APEX1: variants seen among roughly 807,000 people sequenced by gnomAD.
APEX1 encodes DNA repair nuclease/redox regulator APEX1.
APEX1 carries 32 observed loss-of-function variants against 33.2 expected under a neutral mutation model. That is an observed-to-expected ratio of 0.96 (90% confidence interval 0.73 to 1.29). APEX1 has a LOEUF of 1.29. APEX1 is among the 50% of genes most tolerant of loss of function. APEX1 has a pLI of 0.00. For missense variants in APEX1, 442 were observed against 395.6 expected (o/e 1.12, Z -0.99); for synonymous variants, 175 against 156.6 (o/e 1.12, Z -0.88).
At position 20,457,534 on chromosome 14, in the gene APEX1, T is replaced by TG; in HGVS notation, c.*29dup. On this transcript the variant is annotated 3_prime_UTR_variant, in exon 5 of 5. Transcript: ENST00000216714. ...CACCACCCCTAAATCACTTTGAGCC[T>TG]GGGAAATAAGCCCCCTCAACTACCA... is the stretch of plus-strand genomic sequence containing the variant. The TG allele has an allele frequency of 6.2e-7, 1 of 1,611,162 alleles. No individual in the cohort carries two copies. Among genetic ancestry groups the TG allele is most frequent in the Non-Finnish European group, 8.5e-7 (1 of 1,179,186 alleles).
chr14:20,457,680 G>T lies in APEX1; in HGVS notation c.*172G>T. Reference sequence around the variant, plus strand: ...TAAGCCCAAGATTTTTTATTTGAGGGTTTTTTGTTTTTTAAAAAAAAATTG... The same window carrying T: ...TAAGCCCAAGATTTTTTATTTGAGGTTTTTTTGTTTTTTAAAAAAAAATTG... On this transcript the variant is annotated 3_prime_UTR_variant, in exon 5 of 5. Coordinates refer to ENST00000216714, the MANE Select transcript of APEX1 (RefSeq NM_001641.4). 9 of 885,836 alleles carry T rather than the reference G, an allele frequency of 1.0e-5. No individual in the cohort carries two copies. Among genetic ancestry groups the T allele is most frequent in the Non-Finnish European group, 3.4e-6 (2 of 587,494 alleles). 54.9% of individuals were successfully genotyped at this position (885,836 alleles called of 1,614,324 possible).
Position 20,457,424 on chromosome 14 carries a change from G to A in APEX1, c.873G>A (p.Leu291=), listed in dbSNP as rs753152822. The change falls in exon 5 of 5, where the codon CTG becomes CTA. Residue 291 remains leucine, a synonymous_variant. Transcript: ENST00000216714. The part of the protein sequence containing the change: ...RLDYFLLSHS[L]LPALCDSKIR... ...ATTACTTTTTGTTGTCCCACTCTCT[G>A]TTACCTGCATTGTGTGACAGCAAGA... The A allele has an allele frequency of 2.5e-6, 4 of 1,614,148 alleles. No individual in the cohort carries two copies. The highest frequency in any genetic ancestry group is 3.4e-6 in the Non-Finnish European group (4 of 1,180,008).
Position 20,455,687 on chromosome 14 carries a change from G to A in APEX1, c.42G>A (p.Gly14=), listed in dbSNP as rs1318155058. ...AAAAGGGAGCGGTGGCGGAAGACGG[G>A]GATGAGCTCAGGACAGGTAAGGGAA... The part of the protein sequence containing the change: ...RGKKGAVAED[G]DELRTEPEAK... Residue 14 remains glycine, a synonymous_variant, in exon 2 of 5, where the codon GGG becomes GGA. Coordinates refer to ENST00000216714, the MANE Select transcript of APEX1 (RefSeq NM_001641.4). The A allele has an allele frequency of 1.2e-6, 2 of 1,614,154 alleles. No homozygotes were observed. The highest frequency in any genetic ancestry group is 1.7e-6 in the Non-Finnish European group (2 of 1,180,042).
Position 20,456,856 on chromosome 14 carries a change from C to T in APEX1, c.435C>T (p.Gly145=), listed in dbSNP as rs1881398042. ...SRQCPLKVSY[G]IGDEEHDQEG... ...AGTGCCCACTCAAAGTTTCTTACGG[C>T]ATAGGTGAGACCCTATTGATGCCTA... The change falls in exon 4 of 5, where the codon GGC becomes GGT. Residue 145 remains glycine (G), a synonymous_variant. Transcript: ENST00000216714. 1 of 1,613,748 alleles carries T rather than the reference C, an allele frequency of 6.2e-7. No homozygotes were observed. Among genetic ancestry groups the T allele is most frequent in the African/African-American group, 1.3e-5 (1 of 75,056 alleles).
In APEX1 at chr14:20,456,762, T is replaced by G; in HGVS notation, c.341T>G (p.Leu114Arg). ...GCTGAACTTCAGGAGCTGCCTGGAC[T>G]CTCTCATCAATACTGGTCAGCTCCT... is the stretch of plus-strand genomic sequence containing the variant. Reference protein sequence around the residue: ...LPAELQELPGLSHQYWSAPSD... With the variant: ...LPAELQELPGRSHQYWSAPSD... The change falls in exon 4 of 5, where the codon CTC becomes CGC. Residue 114 changes from leucine (L) to arginine (R), a missense_variant. Leu to Arg is a moderately radical substitution (Grantham distance 102, BLOSUM62 -2). Coordinates refer to ENST00000216714, the MANE Select transcript of APEX1 (RefSeq NM_001641.4). 1 of 1,614,200 alleles carries G rather than the reference T, an allele frequency of 6.2e-7. No homozygotes were observed. The highest frequency in any genetic ancestry group is 8.5e-7 in the Non-Finnish European group (1 of 1,180,012).
rs1359676662 is a variant in APEX1 at position 20,456,760 on chromosome 14, ACT to A, written c.345_346del (p.His116SerfsTer33). Reference sequence around the variant, plus strand: ...CAGCTGAACTTCAGGAGCTGCCTGGACTCTCTCATCAATACTGGTCAGCTCCT... The same window carrying A: ...CAGCTGAACTTCAGGAGCTGCCTGGACTCTCATCAATACTGGTCAGCTCCT... Reference protein sequence around the residue: ...LPAELQELPGLSHQYWSAPSD... With the variant: ...LPAELQELPGXSHQYWSAPSD... On this transcript the variant is annotated frameshift_variant, in exon 4 of 5. Coordinates refer to ENST00000216714, the MANE Select transcript of APEX1 (RefSeq NM_001641.4). LOFTEE classifies it high-confidence loss of function. 17 of 1,613,946 alleles carry A rather than the reference ACT, an allele frequency of 1.1e-5. No individual in the cohort carries two copies. Among genetic ancestry groups the A allele is most frequent in the East Asian group, 2.2e-5 (1 of 44,886 alleles).
chr14:20,456,444 G>GA (rs1881357892), intron 3 of APEX1, among the ~76,000 whole-genome samples: 1 of 152,076 alleles, frequency 6.6e-6, no homozygotes, highest in Non-Finnish European at 1.5e-5. Flanking sequence ...ACTGCCTATA[G>GA]AAAAAACACA....
chr14:20,455,243 T>G lies in APEX1; in HGVS notation c.-220T>G. 2.7e-6 allele frequency: 1 copy of G among 372,850 alleles called. No homozygotes were observed. The highest frequency in any genetic ancestry group is 5.1e-6 in the Non-Finnish European group (1 of 197,884). The allele number at this position is 372,850 out of a possible 1,614,324, so 23.1% of individuals were successfully genotyped here. A position where few individuals can be genotyped will look rare whatever the true frequency, so the allele number is the denominator to read the frequency against. ...CGTGCACCCTTCTTTGTGCTCGGGT[T>G]AGGAGGAGCTAGGCTGCCATCGGGC... On this transcript the variant is annotated 5_prime_UTR_variant, in exon 1 of 5. Coordinates refer to ENST00000216714, the MANE Select transcript of APEX1 (RefSeq NM_001641.4).
At chr14:20,456,960 T>A in intron 4 of APEX1, 31 bp from the exon 5 acceptor site, 1 of 1,609,768 alleles carries the variant, frequency 6.2e-7, no homozygotes, top group Admixed American at 1.7e-5. Flanking sequence ...TTCTTATAGT[T>A]TTTTATGCTA....
At chr14:20,456,958 G>GT (rs1881411226) in intron 4 of APEX1, 33 bp from the exon 5 acceptor site, 3 of 1,609,032 alleles carry the variant, frequency 1.9e-6, no homozygotes, top group East Asian at 2.2e-5. Context: ...TTTTCTTATA[G>GT]TTTTTTATGC....
chr14:20,455,261 C>A lies in APEX1; in HGVS notation c.-202C>A. 1 of 388,138 alleles carries A rather than the reference C, an allele frequency of 2.6e-6. No homozygotes were observed. The highest frequency in any genetic ancestry group is 2.4e-5 in the South Asian group (1 of 41,026). 24.0% of individuals were successfully genotyped at this position (388,138 alleles called of 1,614,324 possible). On this transcript the variant is annotated 5_prime_UTR_variant, in exon 1 of 5. Coordinates refer to ENST00000216714, the MANE Select transcript of APEX1 (RefSeq NM_001641.4). Reference sequence around the variant, plus strand: ...CTCGGGTTAGGAGGAGCTAGGCTGCCATCGGGCCGGTGCAGATACGGGGTT... The same window carrying A: ...CTCGGGTTAGGAGGAGCTAGGCTGCAATCGGGCCGGTGCAGATACGGGGTT...
rs1881468461 is a variant in APEX1 at position 20,457,548 on chromosome 14, C to T, written c.*40C>T. Reference sequence around the variant, plus strand: ...CACTTTGAGCCTGGGAAATAAGCCCCCTCAACTACCATTCCTTCTTTAAAC... The same window carrying T: ...CACTTTGAGCCTGGGAAATAAGCCCTCTCAACTACCATTCCTTCTTTAAAC... On this transcript the variant is annotated 3_prime_UTR_variant, in exon 5 of 5. Coordinates refer to ENST00000216714, the MANE Select transcript of APEX1 (RefSeq NM_001641.4). The T allele has an allele frequency of 1.3e-6, 2 of 1,598,864 alleles. No homozygotes were observed. Among genetic ancestry groups the T allele is most frequent in the Admixed American group, 1.7e-5 (1 of 60,018 alleles).
At chr14:20,455,806 TTG>T in intron 2 of APEX1, 103 bp downstream of exon 2, 1 of 1,613,804 alleles carries the variant, frequency 6.2e-7, no homozygotes, top group Non-Finnish European at 8.5e-7. Context: ...TTGCAGGGGT[TTG>T]TGAAGAAGTC....
Position 20,457,450 on chromosome 14 carries a change from TCCGTTCC to T in APEX1, c.900_906del (p.Ser302ProfsTer13). 2 of 1,614,214 alleles carry T rather than the reference TCCGTTCC, an allele frequency of 1.2e-6. No individual in the cohort carries two copies. The highest frequency in any genetic ancestry group is 1.7e-6 in the Non-Finnish European group (2 of 1,180,030). On this transcript the variant is annotated frameshift_variant, in exon 5 of 5. Coordinates refer to ENST00000216714, the MANE Select transcript of APEX1 (RefSeq NM_001641.4). LOFTEE classifies it high-confidence loss of function. Reference sequence around the variant, plus strand: ...TTACCTGCATTGTGTGACAGCAAGATCCGTTCCAAGGCCCTCGGCAGTGATCACTGTC... The same window carrying T: ...TTACCTGCATTGTGTGACAGCAAGATAAGGCCCTCGGCAGTGATCACTGTC...
In APEX1 at chr14:20,455,933, T is replaced by G. The variant is rs200630518; in HGVS notation, c.78T>G (p.Ser26Arg). ...ELRTEPEAKK[S>R]KTAAKKNDKE... is the part of the protein sequence containing the mutation. ...TTATAGAGCCAGAGGCCAAGAAGAG[T>G]AAGACGGCCGCAAAGAAAAATGACA... Residue 26 changes from serine (S) to arginine (R), a missense_variant, in exon 3 of 5, where the codon AGT (serine) becomes AGG (arginine). Transcript: ENST00000216714. 5.6e-6 allele frequency: 9 copies of G among 1,613,708 alleles called. No homozygotes were observed. The highest frequency in any genetic ancestry group is 7.6e-6 in the Non-Finnish European group (9 of 1,179,938).
Position 20,457,277 on chromosome 14 carries a change from A to AT in APEX1, c.728dup (p.Leu243PhefsTer9). On this transcript the variant is annotated frameshift_variant, in exon 5 of 5. Transcript: ENST00000216714. LOFTEE classifies it high-confidence loss of function. ...CACAAGAGCGCCAAGGCTTCGGGGAATTACTGCAGGCTGTGCCACTGGCTG... is the reference window on the plus strand; with the variant it reads ...CACAAGAGCGCCAAGGCTTCGGGGAATTTACTGCAGGCTGTGCCACTGGCTG... 1 of 1,614,218 alleles carries AT rather than the reference A, an allele frequency of 6.2e-7. No individual in the cohort carries two copies. The highest frequency in any genetic ancestry group is 1.1e-5 in the South Asian group (1 of 91,088).
rs1881405140 is a variant in APEX1, at chr14:20,456,922, C to G, written c.439+62C>G. 12 of 1,602,998 alleles carry G rather than the reference C, an allele frequency of 7.5e-6. No homozygotes were observed. In the South Asian group the frequency reaches 1.2e-4, roughly 16 times the overall value. On this transcript the variant is annotated intron_variant, in intron 4 of 4. Transcript: ENST00000216714. ...AAAACCAATTGCTAATTCTCTATCT[C>G]TGCCCCACCTCTTGATTGCTTTCCC...
At chr14:20,456,196 A>C in intron 3 of APEX1, 95 bp downstream of exon 3, 1 of 1,408,244 alleles carries the variant, frequency 7.1e-7, no homozygotes, top group East Asian at 2.4e-5. Flanking sequence ...AGGCTGTTTT[A>C]TTTTTCTCCT....
In APEX1 at chr14:20,457,619, G is replaced by A. The variant is rs1357648711; in HGVS notation, c.*111G>A. On this transcript the variant is annotated 3_prime_UTR_variant, in exon 5 of 5. Coordinates refer to ENST00000216714, the MANE Select transcript of APEX1 (RefSeq NM_001641.4). Reference sequence around the variant, plus strand: ...TTCTATTTCTCATGTATAAAACTAGGAATCCTCCAACCAGGCTCCTGTGAT... The same window carrying A: ...TTCTATTTCTCATGTATAAAACTAGAAATCCTCCAACCAGGCTCCTGTGAT... 8.3e-6 allele frequency: 12 copies of A among 1,444,600 alleles called. No individual in the cohort carries two copies. The Admixed American group carries it at 2.0e-4, about 24-fold the overall frequency. 89.5% of individuals were successfully genotyped at this position (1,444,600 alleles called of 1,614,324 possible).
Sources: gnomAD v4.1 joint callset for allele counts (sites outside exome capture counted in the v4.1 genomes callset) on GRCh38, gnomAD v4.1.1 for gene constraint, MANE v1.5 for transcripts, NCBI Gene and HGNC (gene_info 2026-07-23, HGNC 2026-07-21) for gene names.